Variants in IQGAP1 observed in about 807,000 individuals in gnomAD.
The protein encoded by IQGAP1 is ras GTPase-activating-like protein IQGAP1.
In IQGAP1, 66 loss-of-function variants were observed where a neutral mutation model predicts 215.6. The ratio of observed to expected loss-of-function variants is 0.31; its 90% CI spans 0.25 to 0.38. The LOEUF is 0.38. Ranked by LOEUF, IQGAP1 falls within the 10% of genes least tolerant of loss-of-function variation. The pLI, the probability that IQGAP1 is intolerant of heterozygous loss-of-function variation, is 1.00. For missense variants in IQGAP1, 1,712 were observed against 1,997.1 expected, an observed-to-expected ratio of 0.86 and a Z score of 2.72; for synonymous variants, 772 against 728.7, an observed-to-expected ratio of 1.06 and a Z score of -0.96.
chr15:90,487,098 CAAAA>C lies in IQGAP1; in HGVS notation c.4160+10_4160+13del. The C allele has an allele frequency of 1.9e-6, 3 of 1,613,648 alleles. No homozygotes were observed. Among genetic ancestry groups the C allele is most frequent in the Non-Finnish European group, 2.5e-6 (3 of 1,179,766 alleles). ...CGAACCATCTTACTGAAGTGAGTAT[CAAAA>C]GAAGGAAGAATGAAATGAATGTAAT... On this transcript the variant is annotated intron_variant, in intron 32 of 37. Transcript: ENST00000268182.
chr15:90,480,219 T>TA lies in IQGAP1; in HGVS notation c.3330-1741_3330-1740insA, dbSNP rs1567140263. ...GCCTGGGCAATGTAGACCCCATATC[T>TA]TAAAAAAAAAAAAAAAAAAAAAGGA... On this transcript the variant is annotated intron_variant, in intron 26 of 37. Transcript: ENST00000268182. 2.4e-3 allele frequency among the ~76,000 whole-genome samples: 312 copies of TA among 131,730 alleles called. 4 individuals carry two copies. Among genetic ancestry groups the TA allele is most frequent in the East Asian group, 5.8e-3 (26 of 4,506 alleles). The allele number at this position is 131,730 out of a possible 152,430, so 86.4% of individuals were successfully genotyped here. A position where few individuals can be genotyped will look rare whatever the true frequency, so the allele number is the denominator to read the frequency against.
intron 9 of IQGAP1, among the ~76,000 whole-genome samples, chr15:90,444,825 C>T (rs1324115001): frequency 1.3e-5 from 2 of 152,204 alleles, no homozygotes; most frequent in Non-Finnish European, 2.9e-5. Context: ...ACCTCCCATA[C>T]TCATTCTGTA....
At chr15:90,496,972 G>T in intron 36 of IQGAP1, 1 of 285,474 alleles carries the variant, frequency 3.5e-6, no homozygotes, top group Non-Finnish European at 6.5e-6. Flanking sequence ...GCCACTTGTG[G>T]AACTCCTCAG....
chr15:90,469,573 C>T (rs1300418545), intron 18 of IQGAP1, among the ~76,000 whole-genome samples: 2 of 152,190 alleles, frequency 1.3e-5, no homozygotes, highest in Non-Finnish European at 2.9e-5. Flanking sequence ...AGAGTCTCTA[C>T]CTTCCATTGT....
chr15:90,388,420 G>A lies in IQGAP1; in HGVS notation c.55+24G>A, dbSNP rs777680898. The A allele has an allele frequency of 3.7e-5, 57 of 1,560,202 alleles. 1 individual carries two copies. The South Asian group carries it at 6.4e-4, about 18-fold the overall frequency. On this transcript the variant is annotated intron_variant, in intron 1 of 37. Transcript: ENST00000268182. ...CTGTGAGTGCGGGGCTCCGCGGCGC[G>A]GGGGCTTCGGGCTGGGCTAATTGCA...
At chr15:90,487,944 C>T (rs1428289332) in intron 33 of IQGAP1, among the ~76,000 whole-genome samples, 9 of 152,052 alleles carry the variant, frequency 5.9e-5, no homozygotes, top group African/African-American at 1.2e-4. Context: ...AGTATTTGGC[C>T]GGGCATGGTG....
At chr15:90,392,898 C>G (rs1335038303) in intron 2 of IQGAP1, among the ~76,000 whole-genome samples, 1 of 152,008 alleles carries the variant, frequency 6.6e-6, no homozygotes, top group Non-Finnish European at 1.5e-5. Context: ...GCATCCGCCA[C>G]TACGCCTGGC....
intron 18 of IQGAP1, 113 bp from the exon 19 acceptor site, chr15:90,472,727 T>C: frequency 1.0e-6 from 1 of 994,710 alleles, no homozygotes; most frequent in Non-Finnish European, 1.5e-6. Flanking sequence ...AATGATCTAG[T>C]ATAGACTTAG....
chr15:90,444,789 C>T (rs1284077967), intron 9 of IQGAP1, among the ~76,000 whole-genome samples: 3 of 152,194 alleles, frequency 2.0e-5, no homozygotes, highest in African/African-American at 7.2e-5. Flanking sequence ...GCATACAGCT[C>T]TTTGTAGAAG....
intron 14 of IQGAP1, among the ~76,000 whole-genome samples, chr15:90,455,390 C>T (rs868650393): frequency 6.6e-6 from 1 of 152,080 alleles, no homozygotes; most frequent in Non-Finnish European, 1.5e-5. Flanking sequence ...CTCATGAGGC[C>T]AACCAGGAGT....
intron 2 of IQGAP1, among the ~76,000 whole-genome samples, chr15:90,403,695 A>G (rs1229010399): frequency 6.6e-6 from 1 of 152,116 alleles, no homozygotes; most frequent in East Asian, 1.9e-4. Flanking sequence ...GTTTTTTGAG[A>G]TGGAGTCTTG....
intron 2 of IQGAP1, among the ~76,000 whole-genome samples, chr15:90,410,150 A>T (rs1239456282): frequency 6.6e-6 from 1 of 152,184 alleles, no homozygotes; most frequent in Non-Finnish European, 1.5e-5. Context: ...GCTCTAGTTT[A>T]ATTAGATCCC....
In IQGAP1 at chr15:90,466,381, T is replaced by C. The variant is rs1223664273; in HGVS notation, c.1980T>C (p.Cys660=). The C allele has an allele frequency of 1.9e-6, 3 of 1,614,040 alleles. No individual in the cohort carries two copies. The highest frequency in any genetic ancestry group is 1.3e-5 in the African/African-American group (1 of 74,912). Residue 660 remains cysteine, a synonymous_variant, in exon 17 of 38, where the codon TGT becomes TGC. Coordinates refer to ENST00000268182, the MANE Select transcript of IQGAP1 (RefSeq NM_003870.4). ...GCTTGTATGGAGTCATCCCTGAGTG[T>C]GGTGAAACTTACCACAGTGATCTTG... The part of the protein sequence containing the change: ...DVGLYGVIPE[C]GETYHSDLAE...
rs563803122 is a variant in IQGAP1 at position 90,424,407 on chromosome 15, A to G, written c.156-1703A>G. 1.1e-3 allele frequency among the ~76,000 whole-genome samples: 168 copies of G among 152,308 alleles called. 1 individual carries two copies. The highest frequency in any genetic ancestry group is 3.8e-3 in the African/African-American group (156 of 41,562). ...CTGACAATTTAAGTTCTACTATTTG[A>G]AAGAAAGAAAAGACAGCAGAGAAGC... On this transcript the variant is annotated intron_variant, in intron 2 of 37. Coordinates refer to ENST00000268182, the MANE Select transcript of IQGAP1 (RefSeq NM_003870.4).
Position 90,472,822 on chromosome 15 carries a change from T to C in IQGAP1, c.2179-18T>C, listed in dbSNP as rs191747333. Reference sequence around the variant, plus strand: ...TCTTGCCTGTGAATGTCTTTGAATGTGACCACTGCTTTTTCAGAGTTCTAT... The same window carrying C: ...TCTTGCCTGTGAATGTCTTTGAATGCGACCACTGCTTTTTCAGAGTTCTAT... On this transcript the variant is annotated intron_variant, in intron 18 of 37. Transcript: ENST00000268182. The C allele has an allele frequency of 5.5e-5, 88 of 1,592,378 alleles. No homozygotes were observed. In the Admixed American group the frequency reaches 6.4e-4, roughly 12 times the overall value.
At position 90,466,105 on chromosome 15, in the gene IQGAP1, GT is replaced by G. The variant is rs1389635946; in HGVS notation, c.1867+18del. ...AAGCACAGAAGTGTATGTATCACCTGTTTTATTTCTGTTTTGGTGGAGGCTG... is the reference window on the plus strand; with the variant it reads ...AAGCACAGAAGTGTATGTATCACCTGTTTATTTCTGTTTTGGTGGAGGCTG... On this transcript the variant is annotated intron_variant, in intron 16 of 37. Transcript: ENST00000268182. 5.0e-6 allele frequency: 8 copies of G among 1,612,258 alleles called. No homozygotes were observed. The highest frequency in any genetic ancestry group is 6.8e-6 in the Non-Finnish European group (8 of 1,178,348).
At chr15:90,492,768 G>A in intron 35 of IQGAP1, 57 bp downstream of exon 35, 1 of 1,440,050 alleles carries the variant, frequency 6.9e-7, no homozygotes, top group Admixed American at 2.2e-5. Context: ...GGAAAAAGCA[G>A]AGGCAACTGA....
chr15:90,499,952 CTG>C, intron 37 of IQGAP1, 41 bp from the exon 38 acceptor site: 1 of 900,208 alleles, frequency 1.1e-6, no homozygotes, highest in South Asian at 2.0e-5. Flanking sequence ...ACTTGATTAA[CTG>C]TCAAAATGTT....
intron 3 of IQGAP1, 69 bp downstream of exon 3, chr15:90,426,335 T>G: frequency 6.6e-7 from 1 of 1,514,384 alleles, no homozygotes; most frequent in Non-Finnish European, 8.9e-7. Flanking sequence ...TTATTTTGTG[T>G]AAGAGTTATT....
Sources: gnomAD v4.1 joint callset for allele counts (sites outside exome capture counted in the v4.1 genomes callset) on GRCh38, gnomAD v4.1.1 for gene constraint, MANE v1.5 for transcripts, NCBI Gene and HGNC (gene_info 2026-07-23, HGNC 2026-07-21) for gene names.